The following ADGRL2 variants were observed in gnomAD, a reference collection of about 807,000 sequenced individuals.
ADGRL2 encodes the protein adhesion G protein-coupled receptor L2.
A neutral mutation model predicts 157.4 loss-of-function variants in ADGRL2; 44 were observed. The ratio of observed to expected loss-of-function variants is 0.28; its 90% CI spans 0.22 to 0.36. ADGRL2 has a LOEUF of 0.36. Ranked by LOEUF, ADGRL2 falls within the 10% of genes least tolerant of loss-of-function variation. The pLI is 1.00. For synonymous variants in ADGRL2, 585 were observed against 624.7 expected, an observed-to-expected ratio of 0.94 and a Z score of 0.95; for missense variants, 1,510 against 1,768.9, an observed-to-expected ratio of 0.85 and a Z score of 2.63.
intron 3 of ADGRL2, among the ~76,000 whole-genome samples, chr1:81,585,304 A>G (rs2081002417): frequency 1.3e-5 from 2 of 152,064 alleles, no homozygotes; most frequent in South Asian, 4.2e-4. Flanking sequence ...GACACTCCCA[A>G]ATATTCTGGA....
At chr1:81,691,328 T>G (rs1012969127) in intron 3 of ADGRL2, among the ~76,000 whole-genome samples, 1 of 61,294 alleles carries the variant, frequency 1.6e-5, no homozygotes, top group Non-Finnish European at 3.5e-5. Context: ...GCTTGTTTTC[T>G]TTTTTTTTTT....
intron 2 of ADGRL2, among the ~76,000 whole-genome samples, chr1:81,538,378 T>G (rs145723305): frequency 0.011 from 1,696 of 152,300 alleles, 14 homozygotes; most frequent in Middle Eastern, 0.017. Flanking sequence ...TTTCATCTCT[T>G]GATCCACCAT....
intron 1 of ADGRL2, among the ~76,000 whole-genome samples, chr1:81,377,046 A>T (rs1190333280): frequency 6.6e-6 from 1 of 152,110 alleles, no homozygotes; most frequent in African/African-American, 2.4e-5. Context: ...TTTTTTAATT[A>T]GCTGGGCATG....
At chr1:81,389,474 T>A (rs1199622884) in intron 1 of ADGRL2, among the ~76,000 whole-genome samples, 1 of 152,116 alleles carries the variant, frequency 6.6e-6, no homozygotes, top group African/African-American at 2.4e-5. Context: ...TTCAAAGAAG[T>A]TTAAAAAGTT....
intron 3 of ADGRL2, among the ~76,000 whole-genome samples, chr1:81,908,053 G>C (rs2094623389): frequency 1.3e-5 from 2 of 152,134 alleles, no homozygotes. Flanking sequence ...AATGTGTTTA[G>C]ATGTACAGAC....
At chr1:81,880,964 T>C (rs894759447) in intron 2 of ADGRL2, among the ~76,000 whole-genome samples, 13 of 152,014 alleles carry the variant, frequency 8.6e-5, no homozygotes, top group African/African-American at 3.1e-4. Context: ...TGTGGTGTTA[T>C]TACTCATCCC....
intron 17 of ADGRL2, among the ~76,000 whole-genome samples, chr1:81,974,901 T>C (rs1466613245): frequency 6.6e-6 from 1 of 152,116 alleles, no homozygotes; most frequent in Non-Finnish European, 1.5e-5. Flanking sequence ...AAATAATAAT[T>C]TATGAAATTA....
At chr1:81,472,571 G>T (rs2078193592) in intron 2 of ADGRL2, among the ~76,000 whole-genome samples, 1 of 152,066 alleles carries the variant, frequency 6.6e-6, no homozygotes, top group African/African-American at 2.4e-5. Flanking sequence ...GTGGGGGGAG[G>T]TTGCAGTAAG....
chr1:81,781,431 T>C (rs1357531928), intron 2 of ADGRL2, among the ~76,000 whole-genome samples: 1 of 152,032 alleles, frequency 6.6e-6, no homozygotes, highest in Non-Finnish European at 1.5e-5. Context: ...GAGGAAAAGG[T>C]TTTTCAGCTA....
chr1:81,895,592 A>T (rs1300686776), intron 2 of ADGRL2, among the ~76,000 whole-genome samples: 1 of 151,722 alleles, frequency 6.6e-6, no homozygotes, highest in African/African-American at 2.4e-5. Flanking sequence ...ACGGGGTTTC[A>T]CCATGTTGGC....
At chr1:81,665,497 T>C (rs1295963171) in intron 3 of ADGRL2, among the ~76,000 whole-genome samples, 1 of 152,186 alleles carries the variant, frequency 6.6e-6, no homozygotes, top group Admixed American at 6.5e-5. Context: ...AAATGTCATT[T>C]ATCATACAAT....
At chr1:81,358,886 C>A (rs2075920001) in intron 1 of ADGRL2, among the ~76,000 whole-genome samples, 1 of 151,986 alleles carries the variant, frequency 6.6e-6, no homozygotes, top group Non-Finnish European at 1.5e-5. Flanking sequence ...GAGAGATCTA[C>A]TCCGTAGGAT....
At chr1:81,809,804 A>G (rs925867097) in intron 1 of ADGRL2, among the ~76,000 whole-genome samples, 2 of 152,018 alleles carry the variant, frequency 1.3e-5, no homozygotes, top group African/African-American at 4.8e-5. Context: ...AAAATGTAAA[A>G]TATGTATGAT....
chr1:81,874,231 C>T (rs1265285025), intron 2 of ADGRL2, among the ~76,000 whole-genome samples: 1 of 152,106 alleles, frequency 6.6e-6, no homozygotes, highest in African/African-American at 2.4e-5. Context: ...GCTTTAAGCC[C>T]TTCTGAAGAT....
At chr1:81,420,345 C>G (rs1410991159) in intron 1 of ADGRL2, among the ~76,000 whole-genome samples, 1 of 152,150 alleles carries the variant, frequency 6.6e-6, no homozygotes, top group African/African-American at 2.4e-5. Flanking sequence ...AGTAGTTCAT[C>G]TATTCATCCA....
intron 3 of ADGRL2, among the ~76,000 whole-genome samples, chr1:81,913,251 C>G (rs766429334): frequency 1.1e-4 from 16 of 152,088 alleles, no homozygotes; most frequent in Non-Finnish European, 4.4e-5. Context: ...ACTTTTTAAA[C>G]TTGAGAGCAT....
intron 1 of ADGRL2, among the ~76,000 whole-genome samples, chr1:81,702,513 T>C (rs2083604410): frequency 1.3e-5 from 2 of 152,136 alleles, no homozygotes. Flanking sequence ...GGTATCTTCA[T>C]GATGTACAAC....
At chr1:81,317,764 GTC>G (rs1479888583) in intron 1 of ADGRL2, among the ~76,000 whole-genome samples, 1 of 152,058 alleles carries the variant, frequency 6.6e-6, no homozygotes, top group Non-Finnish European at 1.5e-5. Flanking sequence ...TAAGTAGGGG[GTC>G]TGTCTGCATA....
intron 1 of ADGRL2, among the ~76,000 whole-genome samples, chr1:81,418,479 T>C (rs7513868): frequency 0.47 from 71,990 of 152,064 alleles, 17,605 homozygotes; most frequent in Non-Finnish European, 0.54. Flanking sequence ...AGGCCGAGTG[T>C]GGTGGCTCAC....
Sources: allele counts gnomAD v4.1 joint callset (sites outside exome capture counted in the v4.1 genomes callset), GRCh38; gene constraint gnomAD v4.1.1; transcripts MANE v1.5; gene names NCBI Gene and HGNC (gene_info 2026-07-23, HGNC 2026-07-21).